The following FADS1 variants were observed in gnomAD, a reference collection of about 807,000 sequenced individuals.
FADS1 encodes the protein fatty acid desaturase 1.
A neutral mutation model predicts 61.6 loss-of-function variants in FADS1; 17 were observed. The ratio of observed to expected loss-of-function variants is 0.28; its 90% CI spans 0.19 to 0.41. FADS1 has a LOEUF of 0.41. FADS1 is among the 10% of genes least tolerant of loss of function. The probability of loss-of-function intolerance (pLI) is 1.00; values close to 1 mark genes in which losing one functional copy is unlikely to be tolerated. For synonymous variants in FADS1, 238 were observed against 258.7 expected (o/e 0.92, Z 0.77); for missense variants, 387 against 650.9 (o/e 0.59, Z 4.41).
intron 3 of FADS1, 57 bp from the exon 4 acceptor site, chr11:61,811,132 T>C (rs574319662): frequency 2.8e-5 from 36 of 1,268,868 alleles, no homozygotes; most frequent in Non-Finnish European, 4.0e-5. Context: ...TCGCCTTCAC[T>C]GACCTCGATG....
chr11:61,807,609 T>C (rs867709915), intron 5 of FADS1, among the ~76,000 whole-genome samples: 60 of 152,222 alleles, frequency 3.9e-4, no homozygotes, highest in African/African-American at 1.4e-3. Context: ...CAGTAGGTGG[T>C]GGTTATTTTT....
rs982641048 is a variant in FADS1, at chr11:61,802,414, T to C, written c.1503A>G (p.Gln501=). 3.2e-6 allele frequency: 5 copies of C among 1,568,054 alleles called. No homozygotes were observed. In the South Asian group the frequency reaches 3.5e-5, roughly 11 times the overall value. Residue 501 remains glutamine, a synonymous_variant, in exon 12 of 12, where the codon CAA becomes CAG. Coordinates refer to ENST00000350997, the MANE Select transcript of FADS1 (RefSeq NM_013402.7). The surrounding 1 kb of genome is among the most constrained non-coding windows in gnomAD (Gnocchi z 4.2). ...GQLWLDAYLH[Q] ...AGACTGGGCAGGGTGGCTGTTGTTA[T>C]TGGTGAAGATAGGCATCTAGCCAGA...
chr11:61,810,108 A>G (rs2066920725), intron 5 of FADS1, among the ~76,000 whole-genome samples: 1 of 152,166 alleles, frequency 6.6e-6, no homozygotes, highest in African/African-American at 2.4e-5. Flanking sequence ...AGAACCTTCC[A>G]TTGCCTAATG....
At position 61,803,750 on chromosome 11, in the gene FADS1, A is replaced by T. The variant is rs747229139; in HGVS notation, c.1071T>A (p.Ile357=). 2.5e-6 allele frequency: 4 copies of T among 1,613,716 alleles called. No individual in the cohort carries two copies. The African/African-American group carries it at 5.3e-5, about 22-fold the overall frequency. Residue 357 remains isoleucine, a synonymous_variant, in exon 8 of 12, where the codon ATT becomes ATA. Transcript: ENST00000350997. The surrounding 1 kb of genome is among the most constrained non-coding windows in gnomAD (Gnocchi z 4.3). ...RKKWVDLAWM[I]TFYVRFFLTY... is the part of the protein sequence containing the mutation. The stretch of plus-strand genomic sequence containing the variant: ...TGAGGAAGAAGCGGACGTAGAAGGT[A>T]ATCATCCAGGCCAAGTCCTATAGTG...
At chr11:61,810,215 C>T (rs1013207094) in intron 5 of FADS1, among the ~76,000 whole-genome samples, 5 of 152,200 alleles carry the variant, frequency 3.3e-5, no homozygotes, top group East Asian at 3.8e-4. Context: ...TCAAACCCAA[C>T]GCTGACCACC....
Position 61,802,613 on chromosome 11 carries a change from G to A in FADS1, c.1455-151C>T. On this transcript the variant is annotated intron_variant, in intron 11 of 11. Coordinates refer to ENST00000350997, the MANE Select transcript of FADS1 (RefSeq NM_013402.7). The surrounding 1 kb of genome is among the most constrained non-coding windows in gnomAD (Gnocchi z 4.2). ...CTAGCTTGGGCCATGGTACTGAGGGGAACCCCAATGAGGGCAAAGGCCTGA... is the reference window on the plus strand; with the variant it reads ...CTAGCTTGGGCCATGGTACTGAGGGAAACCCCAATGAGGGCAAAGGCCTGA... 2 of 1,203,992 alleles carry A rather than the reference G, an allele frequency of 1.7e-6. No homozygotes were observed. Among genetic ancestry groups the A allele is most frequent in the Non-Finnish European group, 2.4e-6 (2 of 844,654 alleles). The allele number at this position is 1,203,992 out of a possible 1,614,324, so 74.6% of individuals were successfully genotyped here.
intron 2 of FADS1, 66 bp downstream of exon 2, chr11:61,813,177 C>T (rs1262866380): frequency 5.2e-6 from 5 of 957,904 alleles, no homozygotes; most frequent in African/African-American, 3.2e-5. Context: ...TCTAGACTCT[C>T]CTTCCACCCC....
At position 61,803,731 on chromosome 11, in the gene FADS1, A is replaced by G; in HGVS notation, c.1090T>C (p.Phe364Leu). 1.2e-6 allele frequency: 2 copies of G among 1,614,012 alleles called. No individual in the cohort carries two copies. Among genetic ancestry groups the G allele is most frequent in the Non-Finnish European group, 8.5e-7 (1 of 1,179,864 alleles). ...AWMITFYVRF[F>L]LTYVPLLGLK... is the part of the protein sequence containing the mutation. ...CCCAATAGTGGCACATAAGTGAGGA[A>G]GAAGCGGACGTAGAAGGTAATCATC... is the stretch of plus-strand genomic sequence containing the variant. Residue 364 changes from phenylalanine to leucine, a missense_variant, in exon 8 of 12, where the codon TTC becomes CTC. Transcript: ENST00000350997. This position sits in a 1 kb window ranked among gnomAD's most constrained non-coding sequence, Gnocchi z 4.3.
intron 3 of FADS1, among the ~76,000 whole-genome samples, 180 bp downstream of exon 3, chr11:61,812,291 A>C (rs913169980): frequency 6.6e-6 from 1 of 152,202 alleles, no homozygotes; most frequent in Non-Finnish European, 1.5e-5. Flanking sequence ...GAAGATGTCC[A>C]TGTGGCTAAA....
chr11:61,803,715 G>A lies in FADS1; in HGVS notation c.1106C>T (p.Pro369Leu). ...FYVRFFLTYV[P>L]LLGLKAFLGL... is the part of the protein sequence containing the mutation. ...CAGGAAGGCTTTCAGCCCCAATAGT[G>A]GCACATAAGTGAGGAAGAAGCGGAC... The change falls in exon 8 of 12, where the codon CCA becomes CTA. Residue 369 changes from proline to leucine, a missense_variant. By Grantham distance (98) the Pro-to-Leu change is moderately conservative (BLOSUM62 -3). This residue lies in a region of FADS1 where 257 missense variants were observed against 533.3 expected (regional missense o/e 0.48). Coordinates refer to ENST00000350997, the MANE Select transcript of FADS1 (RefSeq NM_013402.7). This position sits in a 1 kb window ranked among gnomAD's most constrained non-coding sequence, Gnocchi z 4.3. 1 of 1,613,940 alleles carries A rather than the reference G, an allele frequency of 6.2e-7. No homozygotes were observed. The highest frequency in any genetic ancestry group is 1.7e-5 in the Admixed American group (1 of 60,018).
chr11:61,807,877 A>G (rs2066904496), intron 5 of FADS1, among the ~76,000 whole-genome samples: 1 of 152,328 alleles, frequency 6.6e-6, no homozygotes, highest in South Asian at 2.1e-4. Flanking sequence ...TCTGTACAAG[A>G]CACTTCAGCT....
Position 61,813,261 on chromosome 11 carries a change from G to A in FADS1, c.468C>T (p.Ser156=), listed in dbSNP as rs771400906. The A allele has an allele frequency of 6.2e-7, 1 of 1,608,984 alleles. No homozygotes were observed. Among genetic ancestry groups the A allele is most frequent in the Non-Finnish European group, 8.5e-7 (1 of 1,175,618 alleles). Residue 156 remains serine, a synonymous_variant, in exon 2 of 12, where the codon AGC becomes AGT. Transcript: ENST00000350997. ...LIGELSPEQP[S]FEPTKNKELT... ...GTCTTACATTCTTGGTGGGCTCAAA[G>A]CTGGGCTGCTCTGGAGACAGTTCTC...
chr11:61,803,951 C>A lies in FADS1; in HGVS notation c.1054-184G>T. 2 of 598,488 alleles carry A rather than the reference C, an allele frequency of 3.3e-6. No homozygotes were observed. The highest frequency in any genetic ancestry group is 6.0e-6 in the Non-Finnish European group (2 of 335,476). 37.1% of individuals were successfully genotyped at this position (598,488 alleles called of 1,614,324 possible). On this transcript the variant is annotated intron_variant, in intron 7 of 11. Transcript: ENST00000350997. This position sits in a 1 kb window ranked among gnomAD's most constrained non-coding sequence, Gnocchi z 4.3. ...CTCCTTTCTTCCATTCCCATTGGCA[C>A]CCCCCAGCCCTTCTTGCATGTCCCC... is the stretch of plus-strand genomic sequence containing the variant.
chr11:61,815,125 C>A lies in FADS1; in HGVS notation c.375+1430G>T. 1 of 161,846 alleles carries A rather than the reference C, an allele frequency of 6.2e-6. No homozygotes were observed. 10.0% of individuals were successfully genotyped at this position (161,846 alleles called of 1,614,324 possible). A position where few individuals can be genotyped will look rare whatever the true frequency, so the allele number is the denominator to read the frequency against. On this transcript the variant is annotated intron_variant, in intron 1 of 11. Transcript: ENST00000350997. The surrounding 1 kb of genome is among the most constrained non-coding windows in gnomAD (Gnocchi z 6.4). The stretch of plus-strand genomic sequence containing the variant: ...GGCGATAAGATTCACGTTGGCAGGT[C>A]CGGCAGCCCCGGGCCCTGTAAGTGA...
intron 1 of FADS1, chr11:61,813,645 A>C: frequency 3.0e-6 from 1 of 338,762 alleles, no homozygotes; most frequent in South Asian, 5.9e-5. Flanking sequence ...AATCAGCAGG[A>C]CATGGGCAGG....
chr11:61,810,195 AGAC>A (rs1477439677), intron 5 of FADS1, among the ~76,000 whole-genome samples: 1 of 152,200 alleles, frequency 6.6e-6, no homozygotes, highest in Non-Finnish European at 1.5e-5. Context: ...TTACAACTTC[AGAC>A]GACATCTCAA....
intron 5 of FADS1, 92 bp from the exon 6 acceptor site, chr11:61,806,816 TC>T: frequency 1.7e-6 from 2 of 1,143,656 alleles, no homozygotes; most frequent in Non-Finnish European, 2.7e-6. Context: ...TTAGGCCTCC[TC>T]CAGGGCTGAC....
Position 61,810,898 on chromosome 11 carries a change from A to C in FADS1, c.787-19T>G, listed in dbSNP as rs369826457. 1 of 1,614,164 alleles carries C rather than the reference A, an allele frequency of 6.2e-7. No homozygotes were observed. The highest frequency in any genetic ancestry group is 8.5e-7 in the Non-Finnish European group (1 of 1,180,010). On this transcript the variant is annotated intron_variant, in intron 4 of 11. Transcript: ENST00000350997. ...GGGCCCCCTACAGAAAAGCAGGGAC[A>C]CGAGTATGAAAAGCTTCCCCCAAGG...
rs2066865131 is a variant in FADS1 at position 61,802,736 on chromosome 11, C to A, written c.1454+65G>T. The A allele has an allele frequency of 6.2e-7, 1 of 1,605,340 alleles. No individual in the cohort carries two copies. The highest frequency in any genetic ancestry group is 8.5e-7 in the Non-Finnish European group (1 of 1,174,132). On this transcript the variant is annotated intron_variant, in intron 11 of 11. Transcript: ENST00000350997. This position sits in a 1 kb window ranked among gnomAD's most constrained non-coding sequence, Gnocchi z 4.2. ...TCTGTTCACTCCCCACCCTACATGT[C>A]ATCATTTCCATTGCCCTGCCCTCTT...
Sources: allele counts gnomAD v4.1 joint callset (sites outside exome capture counted in the v4.1 genomes callset), GRCh38; gene constraint gnomAD v4.1.1; regional missense constraint gnomAD v4.1.1; non-coding constraint Gnocchi (gnomAD v3.1); transcripts MANE v1.5; gene names NCBI Gene and HGNC (gene_info 2026-07-23, HGNC 2026-07-21).